Variants in POU2F2 observed in about 807,000 individuals in gnomAD.
POU2F2 encodes POU domain, class 2, transcription factor 2.
Under a neutral mutation model 63.5 loss-of-function variants are expected in POU2F2, and 14 were observed. The observed-to-expected ratio is 0.22, with a 90% CI of 0.15 to 0.34. The LOEUF is 0.34. Among genes scored for constraint, POU2F2 ranks in the 10% least tolerant of loss-of-function variants. The probability of loss-of-function intolerance (pLI) is 1.00; values close to 1 mark genes in which losing one functional copy is unlikely to be tolerated. For synonymous variants in POU2F2, 306 were observed against 348.6 expected (o/e 0.88, Z 1.36); for missense variants, 607 against 815.2 (o/e 0.74, Z 3.11).
At chr19:42,143,791 G>T (rs978491786) in intron 2 of POU2F2, among the ~76,000 whole-genome samples, 1 of 151,990 alleles carries the variant, frequency 6.6e-6, no homozygotes, top group Non-Finnish European at 1.5e-5. Context: ...CCTTCCCCAG[G>T]TGTTCCTAAG....
intron 5 of POU2F2, among the ~76,000 whole-genome samples, chr19:42,106,100 CTT>C (rs1240049953): frequency 4.1e-5 from 6 of 144,980 alleles, no homozygotes; most frequent in Non-Finnish European, 7.6e-5. Context: ...CTCTCTCTCT[CTT>C]TCTTTCTTTT....
chr19:42,167,768 C>T (rs904627208), intron 1 of POU2F2, among the ~76,000 whole-genome samples: 3 of 152,202 alleles, frequency 2.0e-5, no homozygotes, highest in Non-Finnish European at 4.4e-5. Flanking sequence ...CTCACCCTCA[C>T]AAAACCAGGC....
chr19:42,123,529 C>A (rs1364735221), intron 1 of POU2F2, among the ~76,000 whole-genome samples: 3 of 152,146 alleles, frequency 2.0e-5, no homozygotes. Flanking sequence ...GCTAATATTA[C>A]CCCGTTTTAC....
intron 2 of POU2F2, among the ~76,000 whole-genome samples, chr19:42,145,090 A>G (rs997027432): frequency 6.6e-6 from 1 of 152,246 alleles, no homozygotes; most frequent in Non-Finnish European, 1.5e-5. Context: ...TGTATTTTTT[A>G]CTTTATAGTT....
intron 1 of POU2F2, among the ~76,000 whole-genome samples, chr19:42,161,817 C>G (rs773982483): frequency 6.6e-6 from 1 of 152,124 alleles, no homozygotes; most frequent in African/African-American, 2.4e-5. Context: ...GGTTGCTCCC[C>G]GCTCAGGGGC....
At chr19:42,168,233 G>A (rs1478970585) in intron 1 of POU2F2, among the ~76,000 whole-genome samples, 1 of 152,130 alleles carries the variant, frequency 6.6e-6, no homozygotes, top group Admixed American at 6.5e-5. Flanking sequence ...TCCTCCAGGG[G>A]CTACCCATCC....
At chr19:42,166,419 A>C (rs947096867) in intron 1 of POU2F2, among the ~76,000 whole-genome samples, 4 of 152,154 alleles carry the variant, frequency 2.6e-5, no homozygotes, top group African/African-American at 9.7e-5. Flanking sequence ...AATAGCAGCT[A>C]TTATTAGCGT....
chr19:42,164,248 C>A (rs924560662), intron 1 of POU2F2, among the ~76,000 whole-genome samples: 2 of 147,508 alleles, frequency 1.4e-5, no homozygotes, highest in South Asian at 2.2e-4. Flanking sequence ...GCTGAGATTG[C>A]GCCACTGCAC....
At chr19:42,127,950 G>A (rs562851140) in intron 1 of POU2F2, among the ~76,000 whole-genome samples, 4 of 151,842 alleles carry the variant, frequency 2.6e-5, no homozygotes, top group Non-Finnish European at 5.9e-5. Flanking sequence ...GCCTCTGCTC[G>A]TCTCCCACTT....
At chr19:42,197,869 T>C (rs1052131141), upstream of POU2F2, among the ~76,000 whole-genome samples, 2 of 152,046 alleles carry the variant, frequency 1.3e-5, no homozygotes, top group Admixed American at 1.3e-4. Flanking sequence ...CCCACCTCAC[T>C]GAACAAATTA....
chr19:42,132,355 A>G (rs1295633861), intron 1 of POU2F2, 29 bp downstream of exon 1: 1 of 1,582,246 alleles, frequency 6.3e-7, no homozygotes, highest in Admixed American at 1.8e-5. Flanking sequence ...CTGTCCTCTG[A>G]GCAGTGGCAC....
rs527616839 is a variant in POU2F2, at chr19:42,149,743, C to A, written c.-9+10589G>T. 1.6e-3 allele frequency among the ~76,000 whole-genome samples: 240 copies of A among 152,170 alleles called. 1 individual carries two copies. Among genetic ancestry groups the A allele is most frequent in the African/African-American group, 5.5e-3 (230 of 41,530 alleles). Reference sequence around the variant, plus strand: ...GGGGGAAGAGCAAGCAGAGGTGGGGCCACAAGGGCCTCCTGTAAATTGCTT... The same window carrying A: ...GGGGGAAGAGCAAGCAGAGGTGGGGACACAAGGGCCTCCTGTAAATTGCTT... On this transcript the variant is annotated intron_variant, in intron 2 of 6. Transcript: ENST00000524801.
chr19:42,138,922 A>C (rs1310798501), intron 2 of POU2F2, among the ~76,000 whole-genome samples: 1 of 152,192 alleles, frequency 6.6e-6, no homozygotes, highest in Non-Finnish European at 1.5e-5. Flanking sequence ...AACATTCCTC[A>C]TCATATCTCC....
At chr19:42,129,259 G>A (rs1466276362) in intron 1 of POU2F2, among the ~76,000 whole-genome samples, 1 of 152,070 alleles carries the variant, frequency 6.6e-6, no homozygotes, top group Non-Finnish European at 1.5e-5. Flanking sequence ...TAGGTAATGT[G>A]TAATATTTTA....
At chr19:42,103,884 C>T (rs937505787) in intron 5 of POU2F2, among the ~76,000 whole-genome samples, 4 of 151,604 alleles carry the variant, frequency 2.6e-5, no homozygotes, top group Middle Eastern at 6.8e-3. Flanking sequence ...CCGCCTGCCT[C>T]GGCCTCCCAA....
chr19:42,129,940 A>G (rs1421505697), intron 1 of POU2F2, among the ~76,000 whole-genome samples: 1 of 152,208 alleles, frequency 6.6e-6, no homozygotes, highest in Non-Finnish European at 1.5e-5. Context: ...AACACAATAC[A>G]AGAAACAGAT....
At chr19:42,137,330 C>A (rs1439186223), upstream of POU2F2, among the ~76,000 whole-genome samples, 1 of 151,414 alleles carries the variant, frequency 6.6e-6, no homozygotes, top group East Asian at 1.9e-4. Context: ...CAGAGCAAGA[C>A]TCAATCTCTA....
intron 1 of POU2F2, among the ~76,000 whole-genome samples, chr19:42,192,968 C>G (rs2035089818): frequency 6.6e-6 from 1 of 152,022 alleles, no homozygotes; most frequent in South Asian, 2.1e-4. Flanking sequence ...CGCCTGTAAT[C>G]CCAGCACTTT....
At chr19:42,112,163 T>C (rs979789644) in intron 5 of POU2F2, among the ~76,000 whole-genome samples, 22 of 152,202 alleles carry the variant, frequency 1.4e-4, no homozygotes, top group Admixed American at 1.1e-3. Context: ...TCCAAGGCCC[T>C]GTGGATGAAC....
Sources: gnomAD v4.1 joint callset for allele counts (sites outside exome capture counted in the v4.1 genomes callset) on GRCh38, gnomAD v4.1.1 for gene constraint, MANE v1.5 for transcripts, NCBI Gene and HGNC (gene_info 2026-07-23, HGNC 2026-07-21) for gene names.